Variants in GOLGA5 observed in about 807,000 individuals in gnomAD.
GOLGA5 encodes golgin subfamily A member 5.
A neutral mutation model predicts 93.5 loss-of-function variants in GOLGA5; 50 were observed. That is an observed-to-expected ratio of 0.53 (90% CI 0.43 to 0.68). The LOEUF (loss-of-function observed/expected upper bound fraction) is 0.68. Ranked by LOEUF, GOLGA5 falls within the 30% of genes least tolerant of loss-of-function variation. The probability of loss-of-function intolerance (pLI) is 0.00; values close to 1 mark genes in which losing one functional copy is unlikely to be tolerated. For synonymous variants in GOLGA5, 312 were observed against 304.5 expected, an observed-to-expected ratio of 1.02 and a Z score of -0.26; for missense variants, 760 against 856.4, an observed-to-expected ratio of 0.89 and a Z score of 1.40.
intron 8 of GOLGA5, among the ~76,000 whole-genome samples, chr14:92,824,004 A>G (rs1226980001): frequency 6.6e-6 from 1 of 151,866 alleles, no homozygotes; most frequent in Admixed American, 6.6e-5. Flanking sequence ...CCTTTTTCTC[A>G]TATCTTCTAA....
Position 92,833,321 on chromosome 14 carries a change from A to G in GOLGA5, c.1919A>G (p.Asn640Ser), listed in dbSNP as rs374813643. The change falls in exon 10 of 13, where the codon AAT (asparagine) becomes AGT (serine). Residue 640 changes from asparagine to serine, a missense_variant. Coordinates refer to ENST00000163416, the MANE Select transcript of GOLGA5 (RefSeq NM_005113.4). ...AGTAGTAGTAATGGGTCTTCGATTA[A>G]TATGTCTGGAATTGACAATGGTGAA... ...SGSSSNGSSINMSGIDNGEGT... is the reference protein window; with the variant it reads ...SGSSSNGSSISMSGIDNGEGT... 3.7e-6 allele frequency: 6 copies of G among 1,607,666 alleles called. No individual in the cohort carries two copies. Among genetic ancestry groups the G allele is most frequent in the African/African-American group, 1.3e-5 (1 of 74,810 alleles).
Position 92,797,976 on chromosome 14 carries a change from C to G in GOLGA5, c.539C>G (p.Thr180Ser), listed in dbSNP as rs1264214072. The stretch of plus-strand genomic sequence containing the variant: ...GAAGAAAATTCTTTTGGGAGCCAAA[C>G]CCACGGTAGTTAATCAGTCCTCTTA... ...TIEENSFGSQ[T>S]HEAASNSDSS... Residue 180 changes from threonine to serine, a missense_variant, in exon 2 of 13, where the codon ACC becomes AGC. Thr to Ser is a moderately conservative substitution (Grantham distance 58, BLOSUM62 1). Transcript: ENST00000163416. 1.3e-6 allele frequency: 2 copies of G among 1,573,972 alleles called. No homozygotes were observed. The highest frequency in any genetic ancestry group is 1.7e-6 in the Non-Finnish European group (2 of 1,162,920).
rs1885233045 is a variant in GOLGA5, at chr14:92,817,418, T to TGAA, written c.1491+999_1491+1001dup. On this transcript the variant is annotated intron_variant, in intron 7 of 12. Transcript: ENST00000163416. ...AGCAAATCAGATTTGAGCTCCTATG[T>TGAA]GAAGCTGAGATGTTTTCTAATATTA... Among the ~76,000 whole-genome samples the TGAA allele has an allele frequency of 4.6e-5, 7 of 152,216 alleles. No homozygotes were observed. In the South Asian group the frequency reaches 1.4e-3, roughly 32 times the overall value.
intron 9 of GOLGA5, among the ~76,000 whole-genome samples, chr14:92,828,010 C>T (rs1885456959): frequency 6.6e-6 from 1 of 152,186 alleles, no homozygotes; most frequent in Non-Finnish European, 1.5e-5. Flanking sequence ...AGCCATCTCC[C>T]AAATGTAAAA....
intron 9 of GOLGA5, among the ~76,000 whole-genome samples, chr14:92,826,718 A>G (rs1197679538): frequency 6.6e-6 from 1 of 151,678 alleles, no homozygotes; most frequent in Non-Finnish European, 1.5e-5. Context: ...AAAAGAAAAA[A>G]AAGAAAATTA....
chr14:92,809,392 G>A lies in GOLGA5; in HGVS notation c.865G>A (p.Asp289Asn), dbSNP rs757717660. 12 of 1,613,660 alleles carry A rather than the reference G, an allele frequency of 7.4e-6. No homozygotes were observed. The highest frequency in any genetic ancestry group is 9.3e-6 in the Non-Finnish European group (11 of 1,179,590). ...TCGAGGACTCCGAGCCCAAGTAGATGACCTGACTGAAGCTGTGGCTGCAAA... is the reference window on the plus strand; with the variant it reads ...TCGAGGACTCCGAGCCCAAGTAGATAACCTGACTGAAGCTGTGGCTGCAAA... ...MTRGLRAQVD[D>N]LTEAVAAKDS... The change falls in exon 4 of 13, where the codon GAC becomes AAC. Residue 289 changes from aspartate (D) to asparagine (N), a missense_variant. Asp to Asn is a conservative substitution (Grantham distance 23). Coordinates refer to ENST00000163416, the MANE Select transcript of GOLGA5 (RefSeq NM_005113.4).
intron 7 of GOLGA5, 106 bp downstream of exon 7, chr14:92,816,527 TCTTCG>T (rs57383293): frequency 0.039 from 27,258 of 691,134 alleles, 3,445 homozygotes; most frequent in African/African-American, 0.34. Flanking sequence ...TTCTCGCTTC[TCTTCG>T]CTTCGCTTCG....
At chr14:92,816,890 TTCCTTTCTTTCCTTTCTC>T (rs1289073946) in intron 7 of GOLGA5, among the ~76,000 whole-genome samples, 1 of 151,866 alleles carries the variant, frequency 6.6e-6, no homozygotes, top group African/African-American at 2.4e-5. Context: ...CTTTCTTTCT[TTCCTTTCTTTCCTTTCTC>T]TCCTTTCTTT....
chr14:92,827,560 G>C (rs753830157), intron 9 of GOLGA5, among the ~76,000 whole-genome samples: 4 of 151,990 alleles, frequency 2.6e-5, no homozygotes, highest in Non-Finnish European at 5.9e-5. Context: ...ATTGAAATTA[G>C]GCCAATTAAT....
At position 92,833,140 on chromosome 14, in the gene GOLGA5, A is replaced by C. The variant is rs368464122; in HGVS notation, c.1738A>C (p.Ser580Arg). The change falls in exon 10 of 13, where the codon AGC becomes CGC. Residue 580 changes from serine (S) to arginine (R), a missense_variant. Coordinates refer to ENST00000163416, the MANE Select transcript of GOLGA5 (RefSeq NM_005113.4). ...CTTTCAGCTTACCAATAAAACTTTA[A>C]GCAATAGCAGTCAGTCTGAGTTAGA... ...LRNQLTNKTL[S>R]NSSQSELENR... 3 of 1,599,304 alleles carry C rather than the reference A, an allele frequency of 1.9e-6. No individual in the cohort carries two copies. Among genetic ancestry groups the C allele is most frequent in the African/African-American group, 1.3e-5 (1 of 74,612 alleles).
rs79184521 is a variant in GOLGA5 at position 92,811,892 on chromosome 14, T to C, written c.1320+138T>C. 2.7e-3 allele frequency: 1,798 copies of C among 654,600 alleles called. 24 individuals are homozygous for C. In the African/African-American group the frequency reaches 0.03, roughly 11 times the overall value. 40.5% of individuals were successfully genotyped at this position (654,600 alleles called of 1,614,324 possible). On this transcript the variant is annotated intron_variant, in intron 6 of 12. Coordinates refer to ENST00000163416, the MANE Select transcript of GOLGA5 (RefSeq NM_005113.4). ...TAGCTTTAGGTGCCTTACTCTACTT[T>C]AGAAATTTTATTAAAGGATGCAGTG...
intron 8 of GOLGA5, among the ~76,000 whole-genome samples, chr14:92,820,268 A>G (rs1885289839): frequency 6.6e-6 from 1 of 152,232 alleles, no homozygotes; most frequent in Non-Finnish European, 1.5e-5. Flanking sequence ...CTGTGTCACA[A>G]ATAAGTTCAA....
chr14:92,805,358 A>G (rs566866085), intron 2 of GOLGA5, among the ~76,000 whole-genome samples: 5 of 152,242 alleles, frequency 3.3e-5, no homozygotes, highest in Non-Finnish European at 5.9e-5. Flanking sequence ...GTAGTACTCT[A>G]TTATACGGCT....
At chr14:92,798,034 A>T in intron 2 of GOLGA5, 53 bp downstream of exon 2, 1 of 1,130,180 alleles carries the variant, frequency 8.8e-7, no homozygotes, top group Non-Finnish European at 1.3e-6. Context: ...TGAATGTGTC[A>T]TCATATGATC....
intron 1 of GOLGA5, among the ~76,000 whole-genome samples, chr14:92,797,033 CAG>C (rs3034665): frequency 0.08 from 9,768 of 122,346 alleles, 405 homozygotes; most frequent in Middle Eastern, 0.14. Context: ...ATAATAAAAA[CAG>C]TAATTTATTA....
At position 92,798,025 on chromosome 14, in the gene GOLGA5, G is replaced by T. The variant is rs368368226; in HGVS notation, c.544+44G>T. ...TATTTCTTTTAGAGTTAAGCAAATT[G>T]AATGTGTCATCATATGATCCGATGG... On this transcript the variant is annotated intron_variant, in intron 2 of 12. Coordinates refer to ENST00000163416, the MANE Select transcript of GOLGA5 (RefSeq NM_005113.4). 9.0e-6 allele frequency: 11 copies of T among 1,223,618 alleles called. No individual in the cohort carries two copies. The African/African-American group carries it at 1.7e-4, about 19-fold the overall frequency. 75.8% of individuals were successfully genotyped at this position (1,223,618 alleles called of 1,614,324 possible).
chr14:92,798,015 T>G, intron 2 of GOLGA5, 34 bp downstream of exon 2: 1 of 1,353,666 alleles, frequency 7.4e-7, no homozygotes, highest in South Asian at 1.4e-5. Context: ...CTTTTAGAGT[T>G]AAGCAAATTG....
intron 9 of GOLGA5, among the ~76,000 whole-genome samples, chr14:92,826,992 AT>A (rs1220304618): frequency 6.6e-6 from 1 of 152,178 alleles, no homozygotes; most frequent in African/African-American, 2.4e-5. Flanking sequence ...ATCAAAAGAG[AT>A]TATAAAAATA....
chr14:92,837,282 T>C (rs183324544), intron 11 of GOLGA5, 104 bp from the exon 12 acceptor site: 3 of 635,752 alleles, frequency 4.7e-6, no homozygotes, highest in East Asian at 5.6e-5. Context: ...ATAAATAGTT[T>C]AAATGAGTTA....
Sources: allele counts gnomAD v4.1 joint callset (sites outside exome capture counted in the v4.1 genomes callset), GRCh38; gene constraint gnomAD v4.1.1; transcripts MANE v1.5; gene names NCBI Gene and HGNC (gene_info 2026-07-23, HGNC 2026-07-21).